RIT2: variants seen among roughly 807,000 people sequenced by gnomAD.
RIT2 encodes the protein GTP-binding protein Rit2.
RIT2 carries 24 observed loss-of-function variants against 23.7 expected under a neutral mutation model. The observed-to-expected ratio is 1.01, with a 90% confidence interval of 0.73 to 1.43. The LOEUF is 1.43. Ranked by LOEUF, RIT2 falls within the 40% of genes most tolerant of loss-of-function variation. The probability of loss-of-function intolerance (pLI) is 0.00; values close to 1 mark genes in which losing one functional copy is unlikely to be tolerated. For synonymous variants in RIT2, 107 were observed against 91.1 expected, an observed-to-expected ratio of 1.17 and a Z score of -0.99; for missense variants, 236 against 266.9, an observed-to-expected ratio of 0.88 and a Z score of 0.81.
chr18:42,894,580 G>T (rs1323323576), intron 4 of RIT2, among the ~76,000 whole-genome samples: 1 of 152,120 alleles, frequency 6.6e-6, no homozygotes, highest in Non-Finnish European at 1.5e-5. Flanking sequence ...GATCAGTCAG[G>T]CTATGATAAT....
chr18:42,967,464 G>A (rs1209127368), intron 3 of RIT2, among the ~76,000 whole-genome samples: 1 of 151,540 alleles, frequency 6.6e-6, no homozygotes, highest in Admixed American at 6.6e-5. Context: ...CCGCCTCCCG[G>A]GTTCATGCCA....
chr18:43,030,946 C>T (rs1439838321), intron 2 of RIT2, among the ~76,000 whole-genome samples: 2 of 152,062 alleles, frequency 1.3e-5, no homozygotes, highest in Non-Finnish European at 2.9e-5. Context: ...CAGTAATATT[C>T]ATCTTTCTCT....
chr18:42,747,423 A>G (rs899347262), intron 4 of RIT2, among the ~76,000 whole-genome samples: 1 of 152,136 alleles, frequency 6.6e-6, no homozygotes, highest in Non-Finnish European at 1.5e-5. Context: ...ATGAAAACAC[A>G]TCCCATGCTC....
chr18:43,065,886 T>C (rs1209994721), intron 1 of RIT2, among the ~76,000 whole-genome samples: 2 of 152,144 alleles, frequency 1.3e-5, no homozygotes, highest in Non-Finnish European at 2.9e-5. Context: ...ATCCAAAGCA[T>C]GTAGTTGGGG....
chr18:42,956,705 C>T (rs1909978112), intron 3 of RIT2, among the ~76,000 whole-genome samples: 2 of 151,464 alleles, frequency 1.3e-5, no homozygotes, highest in Admixed American at 1.3e-4. Flanking sequence ...ATGGTGTTGT[C>T]TCGGTTATTA....
chr18:42,754,418 T>C (rs1913115426), intron 4 of RIT2, among the ~76,000 whole-genome samples: 1 of 150,988 alleles, frequency 6.6e-6, no homozygotes, highest in East Asian at 2.0e-4. Flanking sequence ...GGAGTACATT[T>C]TACACAGTAG....
intron 2 of RIT2, among the ~76,000 whole-genome samples, chr18:43,026,573 T>TAAGAAAGAAAGAAAGAAAGAAAGAAATA (rs1911724756): frequency 1.3e-5 from 1 of 77,360 alleles, no homozygotes; most frequent in African/African-American, 4.4e-5. Context: ...AAGAAATAAA[T>TAAGAAAGAAAGAAAGAAAGAAAGAAATA]AAGAAAGAAA....
chr18:42,745,016 CATTAGAAGT>C (rs1308944976), intron 4 of RIT2, among the ~76,000 whole-genome samples: 1 of 152,044 alleles, frequency 6.6e-6, no homozygotes, highest in Non-Finnish European at 1.5e-5. Context: ...CCTACATCAC[CATTAGAAGT>C]ATTAGAAGAG....
chr18:43,012,861 CAGA>C (rs1250755374), intron 2 of RIT2, among the ~76,000 whole-genome samples: 1 of 151,632 alleles, frequency 6.6e-6, no homozygotes, highest in African/African-American at 2.4e-5. Flanking sequence ...CTGCTAAAAA[CAGA>C]AAATTTGGGG....
intron 4 of RIT2, among the ~76,000 whole-genome samples, chr18:42,800,581 C>G (rs960452433): frequency 6.9e-6 from 1 of 144,744 alleles, no homozygotes; most frequent in African/African-American, 2.5e-5. Context: ...GGAGTGCTGG[C>G]GTGGAGTGGC....
intron 4 of RIT2, among the ~76,000 whole-genome samples, chr18:42,857,967 G>A (rs1340038820): frequency 6.6e-6 from 1 of 152,148 alleles, no homozygotes; most frequent in African/African-American, 2.4e-5. Flanking sequence ...CATCATCTGA[G>A]GTCAGGAGTT....
intron 3 of RIT2, among the ~76,000 whole-genome samples, chr18:42,927,485 T>C (rs1909212801): frequency 6.6e-6 from 1 of 151,772 alleles, no homozygotes; most frequent in African/African-American, 2.4e-5. Context: ...ATCAACTTAA[T>C]AATATATGAT....
chr18:42,760,531 C>A (rs62089918), intron 4 of RIT2, among the ~76,000 whole-genome samples: 4,954 of 152,190 alleles, frequency 0.033, 104 homozygotes, highest in Non-Finnish European at 0.048. Flanking sequence ...AGAACATAGT[C>A]TGTGTTAGTC....
chr18:43,043,561 C>A (rs533513033), intron 1 of RIT2, among the ~76,000 whole-genome samples: 2 of 152,080 alleles, frequency 1.3e-5, no homozygotes, highest in African/African-American at 2.4e-5. Flanking sequence ...GAGGCCAAGG[C>A]GGGCCGATTA....
chr18:42,937,852 G>T lies in RIT2; in HGVS notation c.235-14089C>A, dbSNP rs2144153854. 1.3e-5 allele frequency among the ~76,000 whole-genome samples: 2 copies of T among 152,238 alleles called. 1 individual carries two copies. Among genetic ancestry groups the T allele is most frequent in the South Asian group, 4.1e-4 (2 of 4,826 alleles). ...AAAATAGTAATTGTAACTATTTAGGGAGATAAGAGGATAAATACAACTCTT... is the reference window on the plus strand; with the variant it reads ...AAAATAGTAATTGTAACTATTTAGGTAGATAAGAGGATAAATACAACTCTT... On this transcript the variant is annotated intron_variant, in intron 3 of 4. Coordinates refer to ENST00000326695, the MANE Select transcript of RIT2 (RefSeq NM_002930.4).
intron 2 of RIT2, among the ~76,000 whole-genome samples, chr18:43,029,731 A>C (rs1467286058): frequency 6.6e-6 from 1 of 152,066 alleles, no homozygotes; most frequent in East Asian, 1.9e-4. Flanking sequence ...ACATTTGTTA[A>C]GGAAATAATA....
At chr18:42,948,225 T>A (rs1200948944) in intron 3 of RIT2, among the ~76,000 whole-genome samples, 3 of 152,048 alleles carry the variant, frequency 2.0e-5, no homozygotes, top group Non-Finnish European at 4.4e-5. Flanking sequence ...GAAGTGAAAA[T>A]AATTTTCTTA....
rs768258872 is a variant in RIT2, at chr18:43,080,507, CA to C, written c.103+34909del. Among the ~76,000 whole-genome samples, 9 of 151,918 alleles carry C rather than the reference CA, an allele frequency of 5.9e-5. No homozygotes were observed. In the East Asian group the frequency reaches 9.7e-4, roughly 16 times the overall value. On this transcript the variant is annotated intron_variant, in intron 1 of 4. Coordinates refer to ENST00000326695, the MANE Select transcript of RIT2 (RefSeq NM_002930.4). ...CCCATGGCAACCTGAAGCTGAATGA[CA>C]AAAAAAACCTACCTCCTTACCTCAC...
chr18:43,067,681 G>T (rs1363372403), intron 1 of RIT2, among the ~76,000 whole-genome samples: 1 of 152,138 alleles, frequency 6.6e-6, no homozygotes, highest in African/African-American at 2.4e-5. Context: ...GAAGCCACCA[G>T]GTAGCAGGCT....
Sources: allele counts gnomAD v4.1 joint callset (sites outside exome capture counted in the v4.1 genomes callset), GRCh38; gene constraint gnomAD v4.1.1; transcripts MANE v1.5; gene names NCBI Gene and HGNC (gene_info 2026-07-23, HGNC 2026-07-21).